TMC1: variants seen among roughly 807,000 people sequenced by gnomAD.
TMC1 encodes transmembrane channel like 1.
Under a neutral mutation model 105.8 loss-of-function variants are expected in TMC1, and 84 were observed. The ratio of observed to expected loss-of-function variants is 0.79; its 90% CI spans 0.67 to 0.95. TMC1 has a LOEUF of 0.95. Among genes scored for constraint, TMC1 ranks in the 40% least tolerant of loss-of-function variants. TMC1 has a pLI of 0.00. For missense variants in TMC1, 817 were observed against 914.1 expected (o/e 0.89, Z 1.37); for synonymous variants, 315 against 311.5 (o/e 1.01, Z -0.12).
At chr9:72,835,192 G>C (rs914007450) in intron 23 of TMC1, among the ~76,000 whole-genome samples, 1 of 152,042 alleles carries the variant, frequency 6.6e-6, no homozygotes, top group African/African-American at 2.4e-5. Context: ...GTGAAAGGGT[G>C]AAAGTTCAAT....
chr9:72,700,713 CATATATATATATAT>C (rs72200654), intron 8 of TMC1, 70 bp downstream of exon 8: 18 of 320,998 alleles, frequency 5.6e-5, no homozygotes, highest in African/African-American at 8.6e-5. Flanking sequence ...CTGAATATTC[CATATATATATATAT>C]ATATATATAT....
At chr9:72,722,200 A>G (rs181229866) in intron 8 of TMC1, among the ~76,000 whole-genome samples, 43 of 152,336 alleles carry the variant, frequency 2.8e-4, no homozygotes, top group Non-Finnish European at 3.5e-4. Flanking sequence ...TGATAGAGGT[A>G]AGGTCACCTT....
intron 4 of TMC1, among the ~76,000 whole-genome samples, chr9:72,632,391 G>A (rs1193012061): frequency 6.6e-6 from 1 of 152,130 alleles, no homozygotes; most frequent in Non-Finnish European, 1.5e-5. Context: ...GGAGAGGACA[G>A]AACATCCAAA....
At chr9:72,720,159 C>T (rs971167841) in intron 8 of TMC1, among the ~76,000 whole-genome samples, 5 of 152,148 alleles carry the variant, frequency 3.3e-5, no homozygotes, top group African/African-American at 1.2e-4. Flanking sequence ...GAAACTGAAA[C>T]TCTGAGAGGA....
intron 5 of TMC1, among the ~76,000 whole-genome samples, chr9:72,683,367 C>T (rs944326091): frequency 1.3e-4 from 20 of 152,024 alleles, no homozygotes; most frequent in African/African-American, 4.6e-4. Context: ...GTGTAATTTT[C>T]TTCAGATCAA....
intron 12 of TMC1, among the ~76,000 whole-genome samples, chr9:72,770,733 C>CTGTA (rs1475688739): frequency 1.3e-5 from 2 of 152,126 alleles, no homozygotes; most frequent in African/African-American, 4.8e-5. Flanking sequence ...GAAACCAGTG[C>CTGTA]TGTAATTCAG....
At chr9:72,817,999 G>A (rs1828813313) in intron 19 of TMC1, among the ~76,000 whole-genome samples, 1 of 152,086 alleles carries the variant, frequency 6.6e-6, no homozygotes. Context: ...TCACGTCAAT[G>A]CTTGGCACAA....
intron 5 of TMC1, among the ~76,000 whole-genome samples, chr9:72,681,948 GA>G (rs1826294432): frequency 6.6e-6 from 1 of 151,946 alleles, no homozygotes; most frequent in African/African-American, 2.4e-5. Flanking sequence ...TTCTACTTCT[GA>G]GGGCCTAAAG....
chr9:72,736,743 C>A (rs1007863909), intron 8 of TMC1, among the ~76,000 whole-genome samples: 1 of 151,898 alleles, frequency 6.6e-6, no homozygotes, highest in Non-Finnish European at 1.5e-5. Flanking sequence ...TTCTTGATGC[C>A]AAATAACTGA....
chr9:72,594,439 G>T (rs1824687108), intron 2 of TMC1, among the ~76,000 whole-genome samples: 1 of 152,144 alleles, frequency 6.6e-6, no homozygotes, highest in Admixed American at 6.5e-5. Flanking sequence ...TCTGGTACAG[G>T]GAGGGCAACT....
intron 13 of TMC1, among the ~76,000 whole-genome samples, chr9:72,787,357 A>G (rs1482470801): frequency 6.6e-6 from 1 of 152,180 alleles, no homozygotes; most frequent in Non-Finnish European, 1.5e-5. Context: ...AGCCTCCATG[A>G]TAAGTGTGGC....
intron 1 of TMC1, among the ~76,000 whole-genome samples, chr9:72,525,792 A>G (rs571109391): frequency 6.6e-6 from 1 of 152,356 alleles, no homozygotes; most frequent in South Asian, 2.1e-4. Flanking sequence ...GTTCTGGACC[A>G]GCCTGGCCAA....
chr9:72,795,725 A>G (rs1289513860), intron 17 of TMC1, among the ~76,000 whole-genome samples: 3 of 152,212 alleles, frequency 2.0e-5, no homozygotes, highest in Non-Finnish European at 4.4e-5. Flanking sequence ...GACACTGTAA[A>G]GCAACCATAC....
At chr9:72,827,271 C>T (rs1341149271) in intron 21 of TMC1, among the ~76,000 whole-genome samples, 1 of 152,178 alleles carries the variant, frequency 6.6e-6, no homozygotes. Context: ...ACAGCTAAAG[C>T]AAGGGAAACA....
intron 2 of TMC1, among the ~76,000 whole-genome samples, chr9:72,590,434 T>C (rs1226471018): frequency 2.0e-5 from 3 of 152,186 alleles, no homozygotes; most frequent in East Asian, 1.9e-4. Flanking sequence ...CTCTCCAAGC[T>C]TCATGGTTAT....
rs35382914 is a variant in TMC1 at position 72,571,442 on chromosome 9, C to CT, written c.-427-6447dup. On this transcript the variant is annotated intron_variant, in intron 1 of 23. Transcript: ENST00000297784. The stretch of plus-strand genomic sequence containing the variant: ...GAAGCTGGTGTGAATCAACCTCACG[C>CT]TTTTTTTTTTTTTCTTTTTTTTTGA... Among the ~76,000 whole-genome samples the CT allele has an allele frequency of 4.4e-4, 61 of 139,118 alleles. No individual in the cohort carries two copies. In the East Asian group the frequency reaches 4.8e-3, roughly 11 times the overall value. 91.3% of individuals were successfully genotyped at this position (139,118 alleles called of 152,430 possible).
In TMC1 at chr9:72,816,139, C is replaced by T; in HGVS notation, c.1696-4C>T. ...TAATCCAATGAACATTGTGTCTCCT[C>T]TAGCCTTCATACACCGAATTCGACA... is the stretch of plus-strand genomic sequence containing the variant. On this transcript the variant is annotated splice_polypyrimidine_tract_variant and splice_region_variant and intron_variant, in intron 18 of 23. Coordinates refer to ENST00000297784, the MANE Select transcript of TMC1 (RefSeq NM_138691.3). 6.2e-7 allele frequency: 1 copy of T among 1,613,284 alleles called. No homozygotes were observed. The highest frequency in any genetic ancestry group is 1.1e-5 in the South Asian group (1 of 91,076).
In TMC1 at chr9:72,830,383, T is replaced by A. The variant is rs552861024; in HGVS notation, c.2130-68T>A. On this transcript the variant is annotated intron_variant, in intron 21 of 23. Coordinates refer to ENST00000297784, the MANE Select transcript of TMC1 (RefSeq NM_138691.3). ...CTGATATTTCATAATTTACTTAATG[T>A]AAATTTAAGAAGTATCTTGGGGAAC... 4.7e-6 allele frequency: 5 copies of A among 1,053,650 alleles called. No individual in the cohort carries two copies. The East Asian group carries it at 1.2e-4, about 26-fold the overall frequency. The allele number at this position is 1,053,650 out of a possible 1,614,324, so 65.3% of individuals were successfully genotyped here.
At chr9:72,763,053 T>C (rs1013474218) in intron 12 of TMC1, among the ~76,000 whole-genome samples, 1 of 151,538 alleles carries the variant, frequency 6.6e-6, no homozygotes, top group South Asian at 2.1e-4. Context: ...CTTGGGGAAC[T>C]GATTTCTTAA....
Sources: gnomAD v4.1 joint callset for allele counts (sites outside exome capture counted in the v4.1 genomes callset) on GRCh38, gnomAD v4.1.1 for gene constraint, MANE v1.5 for transcripts, NCBI Gene and HGNC (gene_info 2026-07-23, HGNC 2026-07-21) for gene names.